The following PCNT variants were observed in gnomAD, a reference collection of about 807,000 sequenced individuals.
The protein encoded by PCNT is kendrin.
In PCNT, 319 loss-of-function variants were observed where a neutral mutation model predicts 380.4. The ratio of observed to expected loss-of-function variants is 0.84; its 90% confidence interval spans 0.77 to 0.92. PCNT has a LOEUF of 0.92. Among genes scored for constraint, PCNT ranks in the 40% least tolerant of loss-of-function variants. The pLI, the probability that PCNT is intolerant of heterozygous loss-of-function variation, is 0.00. For missense variants in PCNT, 4,400 were observed against 4,255.3 expected, an observed-to-expected ratio of 1.03 and a Z score of -0.95; for synonymous variants, 1,845 against 1,735.2, an observed-to-expected ratio of 1.06 and a Z score of -1.57.
intron 15 of PCNT, among the ~76,000 whole-genome samples, chr21:46,367,953 ACTTGAGC>A (rs1197485935): frequency 6.6e-6 from 1 of 152,180 alleles, no homozygotes; most frequent in East Asian, 1.9e-4. Context: ...CAGTTGGATT[ACTTGAGC>A]CCAGGAGTTT....
chr21:46,397,960 A>C lies in PCNT; in HGVS notation c.4447-54A>C, dbSNP rs1601955134. 14 of 1,427,796 alleles carry C rather than the reference A, an allele frequency of 9.8e-6. No individual in the cohort carries two copies. In the East Asian group the frequency reaches 3.2e-4, roughly 33 times the overall value. The allele number at this position is 1,427,796 out of a possible 1,614,324, so 88.4% of individuals were successfully genotyped here. ...GGAAGCCTGGGTGGACCTTCGCTGC[A>C]AGGGGCACGCCAGCCCCGTTGGGGT... is the stretch of plus-strand genomic sequence containing the variant. On this transcript the variant is annotated intron_variant, in intron 22 of 46. Coordinates refer to ENST00000359568, the MANE Select transcript of PCNT (RefSeq NM_006031.6).
chr21:46,401,851 T>A, intron 26 of PCNT, 130 bp downstream of exon 26: 1 of 912,330 alleles, frequency 1.1e-6, no homozygotes. Flanking sequence ...TTTCTTTTCT[T>A]TTTTTTGTTG....
chr21:46,398,147 T>C lies in PCNT; in HGVS notation c.4563+17T>C. Reference sequence around the variant, plus strand: ...GACAGCCAGGTGAGTCAGTGCAGCGTGCAGTGCTGCTGGTTGCTGTCTTTC... The same window carrying C: ...GACAGCCAGGTGAGTCAGTGCAGCGCGCAGTGCTGCTGGTTGCTGTCTTTC... On this transcript the variant is annotated intron_variant, in intron 23 of 46. Coordinates refer to ENST00000359568, the MANE Select transcript of PCNT (RefSeq NM_006031.6). The C allele has an allele frequency of 6.2e-7, 1 of 1,604,952 alleles. No individual in the cohort carries two copies. Among genetic ancestry groups the C allele is most frequent in the Non-Finnish European group, 8.5e-7 (1 of 1,175,106 alleles).
intron 34 of PCNT, among the ~76,000 whole-genome samples, 162 bp from the exon 35 acceptor site, chr21:46,428,233 C>A (rs559171911): frequency 6.6e-6 from 1 of 152,182 alleles, no homozygotes; most frequent in Admixed American, 6.5e-5. Context: ...CCAGCCCTGA[C>A]GCCTGCAGGC....
intron 15 of PCNT, among the ~76,000 whole-genome samples, chr21:46,373,466 T>C (rs2085222750): frequency 1.4e-5 from 2 of 144,596 alleles, no homozygotes; most frequent in Admixed American, 7.1e-5. Context: ...AGAGTCTCGC[T>C]CTGTCTCCAG....
intron 15 of PCNT, among the ~76,000 whole-genome samples, chr21:46,376,946 TC>T (rs199930188): frequency 0.036 from 5,463 of 152,276 alleles, 150 homozygotes; most frequent in Middle Eastern, 0.082. Context: ...GCGAGTGACT[TC>T]AGTGTTGTGC....
chr21:46,372,579 C>T (rs927344050), intron 15 of PCNT, among the ~76,000 whole-genome samples: 2 of 152,104 alleles, frequency 1.3e-5, no homozygotes, highest in African/African-American at 4.8e-5. Flanking sequence ...GCATTATGTG[C>T]AAATTTTAGG....
intron 16 of PCNT, among the ~76,000 whole-genome samples, chr21:46,382,869 G>A (rs1276326613): frequency 7.5e-6 from 1 of 133,988 alleles, no homozygotes; most frequent in Non-Finnish European, 1.5e-5. Context: ...CATTCATGGT[G>A]TTGTGCATTC....
chr21:46,384,716 G>A (rs552836766), intron 16 of PCNT, among the ~76,000 whole-genome samples: 7 of 141,410 alleles, frequency 5.0e-5, no homozygotes, highest in South Asian at 4.3e-4. Context: ...GTTGAGCGGC[G>A]GAAACACATT....
intron 37 of PCNT, chr21:46,431,252 C>A: frequency 3.8e-6 from 5 of 1,313,348 alleles, no homozygotes; most frequent in Non-Finnish European, 4.9e-6. Context: ...GGGCAGGGGA[C>A]ATCTCTGAAT....
chr21:46,350,236 A>G (rs1360939111), intron 8 of PCNT, among the ~76,000 whole-genome samples: 2 of 152,204 alleles, frequency 1.3e-5, no homozygotes, highest in African/African-American at 4.8e-5. Context: ...AGTGGTGAAT[A>G]AAAGTGTAAG....
rs1374665013 is a variant in PCNT, at chr21:46,351,558, A to G, written c.1456+18A>G. ...ATTGAGTGGTGAGGAATTGTATTGG[A>G]AAATTCAGATCCTCAAAAGCTGAAG... On this transcript the variant is annotated intron_variant, in intron 9 of 46. Coordinates refer to ENST00000359568, the MANE Select transcript of PCNT (RefSeq NM_006031.6). 5 of 1,365,274 alleles carry G rather than the reference A, an allele frequency of 3.7e-6. No individual in the cohort carries two copies. The highest frequency in any genetic ancestry group is 5.2e-6 in the Non-Finnish European group (5 of 952,776). The allele number at this position is 1,365,274 out of a possible 1,614,324, so 84.6% of individuals were successfully genotyped here. A position where few individuals can be genotyped will look rare whatever the true frequency, so the allele number is the denominator to read the frequency against.
At chr21:46,338,880 A>T (rs990345022) in intron 3 of PCNT, among the ~76,000 whole-genome samples, 2 of 152,134 alleles carry the variant, frequency 1.3e-5, no homozygotes, top group Admixed American at 1.3e-4. Flanking sequence ...TCCCAGGCTC[A>T]AGGGGTTCTC....
intron 4 of PCNT, 80 bp downstream of exon 4, chr21:46,346,288 T>TGGGGGG: frequency 1.4e-4 from 76 of 540,806 alleles, no homozygotes; most frequent in East Asian, 3.2e-4. Context: ...CGGGTGGGGG[T>TGGGGGG]GGGGTGGGCG....
At chr21:46,387,412 C>T (rs887878278) in intron 17 of PCNT, among the ~76,000 whole-genome samples, 6 of 152,140 alleles carry the variant, frequency 3.9e-5, no homozygotes, top group African/African-American at 1.4e-4. Flanking sequence ...GCGGTCTGTG[C>T]TCTTAACTCG....
intron 42 of PCNT, among the ~76,000 whole-genome samples, chr21:46,440,524 T>C (rs2053579785): frequency 6.6e-6 from 1 of 152,260 alleles, no homozygotes; most frequent in Non-Finnish European, 1.5e-5. Context: ...AGTCTCCTGA[T>C]GGCACACGGT....
At chr21:46,325,024 C>T (rs1184679942) in intron 1 of PCNT, 4 of 985,256 alleles carry the variant, frequency 4.1e-6, no homozygotes, top group East Asian at 2.3e-4. Context: ...TGGCGCCGGG[C>T]GCCTTCAAGG....
chr21:46,349,314 A>G (rs1346699370), intron 7 of PCNT, 128 bp downstream of exon 7: 1 of 846,964 alleles, frequency 1.2e-6, no homozygotes, highest in East Asian at 2.6e-5. Context: ...GGATGGCCCC[A>G]TGCACGTGTG....
intron 14 of PCNT, among the ~76,000 whole-genome samples, chr21:46,366,353 C>T (rs907790489): frequency 2.0e-5 from 3 of 152,150 alleles, no homozygotes; most frequent in African/African-American, 7.2e-5. Flanking sequence ...CTGGCGACTC[C>T]CATGGCTTTG....
Sources: gnomAD v4.1 joint callset for allele counts (sites outside exome capture counted in the v4.1 genomes callset) on GRCh38, gnomAD v4.1.1 for gene constraint, MANE v1.5 for transcripts, NCBI Gene and HGNC (gene_info 2026-07-23, HGNC 2026-07-21) for gene names.